The following RASAL2 variants were observed in gnomAD, a reference collection of about 807,000 sequenced individuals.
RASAL2 encodes ras GTPase-activating protein nGAP.
In RASAL2, 58 loss-of-function variants were observed where a neutral mutation model predicts 128.9. The ratio of observed to expected loss-of-function variants is 0.45; its 90% CI spans 0.36 to 0.56. RASAL2 has a LOEUF of 0.56. Ranked by LOEUF, RASAL2 falls within the 20% of genes least tolerant of loss-of-function variation. The pLI is 0.00. For missense variants in RASAL2, 1,360 were observed against 1,601.6 expected (o/e 0.85, Z 2.57); for synonymous variants, 561 against 580.8 (o/e 0.97, Z 0.49).
At chr1:178,155,288 C>T (rs1661046347) in intron 1 of RASAL2, among the ~76,000 whole-genome samples, 1 of 152,016 alleles carries the variant, frequency 6.6e-6, no homozygotes. Context: ...CTAGACTACT[C>T]AATTCTGAGT....
rs978821512 is a variant in RASAL2 at position 178,473,693 on chromosome 1, T to C, written c.*454T>C. ...GAAGCACATGGAGTGCAATAGGACA[T>C]TGTGAGAAGGAATTTTTCAGGGATT... On this transcript the variant is annotated 3_prime_UTR_variant, in exon 18 of 18. Coordinates refer to ENST00000367649, the MANE Select transcript of RASAL2 (RefSeq NM_170692.4). 1 of 159,124 alleles carries C rather than the reference T, an allele frequency of 6.3e-6. No individual in the cohort carries two copies. The highest frequency in any genetic ancestry group is 1.4e-5 in the Non-Finnish European group (1 of 72,650). 9.9% of individuals were successfully genotyped at this position (159,124 alleles called of 1,614,324 possible).
intron 1 of RASAL2, among the ~76,000 whole-genome samples, chr1:178,153,729 T>C (rs1660986857): frequency 6.6e-6 from 1 of 152,228 alleles, no homozygotes; most frequent in South Asian, 2.1e-4. Flanking sequence ...AGAATAATGC[T>C]ACTGTAAACT....
chr1:178,462,771 A>C (rs1340957133), intron 14 of RASAL2, among the ~76,000 whole-genome samples: 1 of 152,170 alleles, frequency 6.6e-6, no homozygotes, highest in African/African-American at 2.4e-5. Flanking sequence ...AAAATAGTAG[A>C]AATTTCTAGA....
In RASAL2 at chr1:178,212,793, C is replaced by T. The variant is rs184348909; in HGVS notation, c.203-70771C>T. Reference sequence around the variant, plus strand: ...GGCATGAGCCATGAGCCGCCGTGCCCGGCCACTTCTATCTAACTCTTTAAA... The same window carrying T: ...GGCATGAGCCATGAGCCGCCGTGCCTGGCCACTTCTATCTAACTCTTTAAA... On this transcript the variant is annotated intron_variant, in intron 1 of 17. Coordinates refer to ENST00000367649, the MANE Select transcript of RASAL2 (RefSeq NM_170692.4). 4.9e-4 allele frequency among the ~76,000 whole-genome samples: 74 copies of T among 152,222 alleles called. No individual in the cohort carries two copies. In the East Asian group the frequency reaches 0.014, roughly 28 times the overall value.
At position 178,465,838 on chromosome 1, in the gene RASAL2, AAGAG is replaced by A. The variant is rs1647624794; in HGVS notation, c.3388-80_3388-77del. The A allele has an allele frequency of 7.6e-5, 83 of 1,097,784 alleles. No homozygotes were observed. In the South Asian group the frequency reaches 1.6e-3, roughly 21 times the overall value. The allele number at this position is 1,097,784 out of a possible 1,614,324, so 68.0% of individuals were successfully genotyped here. A position where few individuals can be genotyped will look rare whatever the true frequency, so the allele number is the denominator to read the frequency against. On this transcript the variant is annotated intron_variant, in intron 15 of 17. Transcript: ENST00000367649. ...AAAAAGAAAAAGAAAAAAAGAAAGAAAGAGAAAGAAAGAAAAGTAAATCACTGAT... is the reference window on the plus strand; with the variant it reads ...AAAAAGAAAAAGAAAAAAAGAAAGAAAAAGAAAGAAAAGTAAATCACTGAT...
At chr1:178,350,621 C>T (rs538264542) in intron 3 of RASAL2, among the ~76,000 whole-genome samples, 3 of 152,136 alleles carry the variant, frequency 2.0e-5, no homozygotes, top group Admixed American at 6.5e-5. Flanking sequence ...CCAGACCACA[C>T]TCGTATCTGG....
chr1:178,108,784 A>G (rs1159295239), intron 1 of RASAL2, among the ~76,000 whole-genome samples: 1 of 152,240 alleles, frequency 6.6e-6, no homozygotes, highest in Admixed American at 6.5e-5. Context: ...TAAAATAATG[A>G]CATTGTTATG....
At chr1:178,395,932 T>C (rs1673197111) in intron 4 of RASAL2, among the ~76,000 whole-genome samples, 1 of 151,702 alleles carries the variant, frequency 6.6e-6, no homozygotes, top group Non-Finnish European at 1.5e-5. Flanking sequence ...ACTATATCTT[T>C]AAGTCATTTT....
chr1:178,360,082 C>T (rs570033371), intron 3 of RASAL2, among the ~76,000 whole-genome samples: 4 of 152,218 alleles, frequency 2.6e-5, no homozygotes, highest in Non-Finnish European at 5.9e-5. Flanking sequence ...GGGAGCCAAT[C>T]GTTGTTTACT....
At chr1:178,353,778 C>A (rs907647330) in intron 3 of RASAL2, among the ~76,000 whole-genome samples, 2 of 152,140 alleles carry the variant, frequency 1.3e-5, no homozygotes, top group African/African-American at 4.8e-5. Flanking sequence ...GAGTGGCTAT[C>A]CCATCATATT....
chr1:178,437,888 TG>T (rs763138393), intron 5 of RASAL2, among the ~76,000 whole-genome samples: 22 of 152,076 alleles, frequency 1.4e-4, no homozygotes, highest in Non-Finnish European at 3.1e-4. Context: ...TTTTCTTTTT[TG>T]TTTTTTTAAT....
chr1:178,349,597 GCT>G (rs1670353631), intron 3 of RASAL2, among the ~76,000 whole-genome samples: 1 of 151,860 alleles, frequency 6.6e-6, no homozygotes, highest in African/African-American at 2.4e-5. Flanking sequence ...AAAGCTCTGA[GCT>G]TACTGTATAA....
chr1:178,388,657 G>A lies in RASAL2; in HGVS notation c.458-1443G>A, dbSNP rs187441128. Among the ~76,000 whole-genome samples the A allele has an allele frequency of 9.2e-4, 140 of 152,294 alleles. 1 individual carries two copies. The highest frequency in any genetic ancestry group is 3.3e-3 in the African/African-American group (137 of 41,568). On this transcript the variant is annotated intron_variant, in intron 3 of 17. Transcript: ENST00000367649. ...TGTTTAGTCATGGAAAAGAAAATCAGTGTCCAGCATGCAAAGATAGTAAAA... is the reference window on the plus strand; with the variant it reads ...TGTTTAGTCATGGAAAAGAAAATCAATGTCCAGCATGCAAAGATAGTAAAA...
chr1:178,411,962 T>G, intron 4 of RASAL2: 1 of 589,232 alleles, frequency 1.7e-6, no homozygotes. Context: ...TCACCCCCCA[T>G]CCCCTCTTGA....
At chr1:178,466,517 G>T (rs183710609) in intron 16 of RASAL2, among the ~76,000 whole-genome samples, 149 of 152,316 alleles carry the variant, frequency 9.8e-4, no homozygotes, top group African/African-American at 3.3e-3. Flanking sequence ...TGCTGCAGAT[G>T]CCAAGGGAGA....
chr1:178,458,994 A>C (rs1473423641), intron 14 of RASAL2, among the ~76,000 whole-genome samples: 1 of 152,172 alleles, frequency 6.6e-6, no homozygotes. Context: ...TCCATCCCTC[A>C]ACTCCTTCTG....
chr1:178,342,882 A>C (rs1669959204), intron 3 of RASAL2, among the ~76,000 whole-genome samples: 1 of 152,156 alleles, frequency 6.6e-6, no homozygotes, highest in African/African-American at 2.4e-5. Context: ...CTCATGAATT[A>C]TGTGTTAGCA....
intron 1 of RASAL2, among the ~76,000 whole-genome samples, chr1:178,124,520 G>A (rs1659824602): frequency 6.6e-6 from 1 of 152,188 alleles, no homozygotes; most frequent in Non-Finnish European, 1.5e-5. Flanking sequence ...CATATTCTCT[G>A]TAGATAAGAG....
intron 5 of RASAL2, among the ~76,000 whole-genome samples, chr1:178,430,612 A>T (rs1675822309): frequency 6.6e-6 from 1 of 152,134 alleles, no homozygotes; most frequent in South Asian, 2.1e-4. Flanking sequence ...TTTATGAAAT[A>T]GATGTGAAAT....
Sources: gnomAD v4.1 joint callset for allele counts (sites outside exome capture counted in the v4.1 genomes callset) on GRCh38, gnomAD v4.1.1 for gene constraint, MANE v1.5 for transcripts, NCBI Gene and HGNC (gene_info 2026-07-23, HGNC 2026-07-21) for gene names.